Variants in RBFOX1 observed in about 807,000 individuals in gnomAD.
The protein encoded by RBFOX1 is RNA binding fox-1 homolog 1.
Under a neutral mutation model 57.7 loss-of-function variants are expected in RBFOX1, and 8 were observed. That is an observed-to-expected ratio of 0.14 (90% CI 0.08 to 0.25). The LOEUF is 0.25. Among genes scored for constraint, RBFOX1 ranks in the 10% least tolerant of loss-of-function variants. The pLI is 1.00. For synonymous variants in RBFOX1, 326 were observed against 222.4 expected, an observed-to-expected ratio of 1.47 and a Z score of -4.15; for missense variants, 611 against 548.5, an observed-to-expected ratio of 1.11 and a Z score of -1.14.
intron 1 of RBFOX1, among the ~76,000 whole-genome samples, chr16:6,123,372 A>T (rs955960781): frequency 6.6e-6 from 1 of 152,254 alleles, no homozygotes. Context: ...TGAACCTTGC[A>T]AACATTATGC....
chr16:6,326,745 G>A (rs1330396331), intron 2 of RBFOX1, among the ~76,000 whole-genome samples: 1 of 150,538 alleles, frequency 6.6e-6, no homozygotes, highest in African/African-American at 2.4e-5. Context: ...AATCATAGGA[G>A]GCAATTTCAA....
chr16:7,678,864 G>T (rs1187667972), intron 14 of RBFOX1, among the ~76,000 whole-genome samples: 1 of 152,128 alleles, frequency 6.6e-6, no homozygotes, highest in African/African-American at 2.4e-5. Flanking sequence ...GATTGCCCTT[G>T]TTCTTGGATT....
intron 3 of RBFOX1, among the ~76,000 whole-genome samples, chr16:5,831,539 G>A (rs966873451): frequency 1.3e-5 from 2 of 149,152 alleles, no homozygotes; most frequent in African/African-American, 5.0e-5. Flanking sequence ...GTCCAGGCCA[G>A]AGTGCAGTGG....
In RBFOX1 at chr16:7,100,131, A is replaced by C; in HGVS notation, c.27+48033A>C. Among the ~76,000 whole-genome samples, 2 of 140,204 alleles carry C rather than the reference A, an allele frequency of 1.4e-5. 1 individual carries two copies. Among genetic ancestry groups the C allele is most frequent in the Middle Eastern group, 7.1e-3 (2 of 282 alleles). 92.0% of individuals were successfully genotyped at this position (140,204 alleles called of 152,430 possible). A position where few individuals can be genotyped will look rare whatever the true frequency, so the allele number is the denominator to read the frequency against. Reference sequence around the variant, plus strand: ...AATAAAGCTCTCTGGTGAAGGGAACAAAAAAAAAAGCTTTAGAGAGGGATG... The same window carrying C: ...AATAAAGCTCTCTGGTGAAGGGAACCAAAAAAAAAGCTTTAGAGAGGGATG... On this transcript the variant is annotated intron_variant, in intron 4 of 15. Transcript: ENST00000550418.
Position 6,963,787 on chromosome 16 carries a change from C to T in RBFOX1, c.-15-88270C>T, listed in dbSNP as rs142560020. 7.6e-3 allele frequency among the ~76,000 whole-genome samples: 1,160 copies of T among 152,020 alleles called. 10 individuals are homozygous for T. The highest frequency in any genetic ancestry group is 0.025 in the African/African-American group (1,030 of 41,462). ...GATCTCGGCTCACTGCAAGCTCCAC[C>T]TCCCGGGTTCATGCCATTCTCCTGC... On this transcript the variant is annotated intron_variant, in intron 3 of 15. Coordinates refer to ENST00000550418, the MANE Select transcript of RBFOX1 (RefSeq NM_018723.4).
At chr16:6,886,184 C>T (rs556978799) in intron 3 of RBFOX1, among the ~76,000 whole-genome samples, 213 of 151,820 alleles carry the variant, frequency 1.4e-3, no homozygotes, top group African/African-American at 5.0e-3. Flanking sequence ...GCCTCAGCCT[C>T]CTGAGTAGCT....
chr16:6,197,104 T>C (rs1164719976), intron 1 of RBFOX1, among the ~76,000 whole-genome samples: 3 of 152,144 alleles, frequency 2.0e-5, no homozygotes, highest in Non-Finnish European at 4.4e-5. Context: ...AATAGAAAGC[T>C]TTATATTGGG....
intron 3 of RBFOX1, among the ~76,000 whole-genome samples, chr16:6,895,474 ATATATATATATATT>A (rs1384982372): frequency 0.014 from 1,494 of 104,256 alleles, 46 homozygotes; most frequent in African/African-American, 0.047. Context: ...ATATATATAT[ATATATATATATATT>A]TATTCCCCTA....
At chr16:6,825,916 A>G (rs1316762139) in intron 3 of RBFOX1, among the ~76,000 whole-genome samples, 3 of 152,150 alleles carry the variant, frequency 2.0e-5, no homozygotes, top group Non-Finnish European at 4.4e-5. Flanking sequence ...GTGTGACTTT[A>G]AATTCAAATC....
At chr16:7,161,026 G>A (rs2078218550) in intron 4 of RBFOX1, among the ~76,000 whole-genome samples, 1 of 152,202 alleles carries the variant, frequency 6.6e-6, no homozygotes, top group African/African-American at 2.4e-5. Context: ...TGGTCCATTT[G>A]TTGTCAGTGT....
chr16:6,895,335 A>G (rs2066497720), intron 3 of RBFOX1, among the ~76,000 whole-genome samples: 1 of 150,890 alleles, frequency 6.6e-6, no homozygotes, highest in South Asian at 2.1e-4. Context: ...ATGATTTACT[A>G]AATATGGAAT....
At chr16:5,344,230 A>G (rs1185220018) in intron 1 of RBFOX1, among the ~76,000 whole-genome samples, 1 of 152,124 alleles carries the variant, frequency 6.6e-6, no homozygotes, top group Non-Finnish European at 1.5e-5. Flanking sequence ...CTCTTGCCCT[A>G]GGTTTGGGTT....
chr16:6,901,679 CTGT>C (rs1297623861), intron 3 of RBFOX1, among the ~76,000 whole-genome samples: 3 of 152,184 alleles, frequency 2.0e-5, no homozygotes, highest in Non-Finnish European at 4.4e-5. Context: ...ACAGAATTTT[CTGT>C]TGTTTCTGCA....
chr16:6,344,969 C>G (rs1309272257), intron 2 of RBFOX1, among the ~76,000 whole-genome samples: 1 of 152,024 alleles, frequency 6.6e-6, no homozygotes, highest in Non-Finnish European at 1.5e-5. Context: ...CCGGCCTGGT[C>G]TTACAGAATC....
chr16:7,121,679 T>C (rs896321035), intron 4 of RBFOX1, among the ~76,000 whole-genome samples: 1 of 152,004 alleles, frequency 6.6e-6, no homozygotes, highest in African/African-American at 2.4e-5. Flanking sequence ...CAGGTATTTT[T>C]GTAGCTATAA....
chr16:6,726,391 T>C (rs1043762247), intron 3 of RBFOX1, among the ~76,000 whole-genome samples: 7 of 78,726 alleles, frequency 8.9e-5, no homozygotes, highest in African/African-American at 1.8e-4. Flanking sequence ...TAAAACGCTA[T>C]TTTTTCTTTT....
chr16:6,432,853 C>T (rs951173182), intron 2 of RBFOX1, among the ~76,000 whole-genome samples: 2 of 152,066 alleles, frequency 1.3e-5, no homozygotes, highest in African/African-American at 4.8e-5. Flanking sequence ...TGGTGCATGC[C>T]TGTAATCCCA....
intron 4 of RBFOX1, among the ~76,000 whole-genome samples, chr16:7,344,542 C>T (rs1473635878): frequency 6.6e-6 from 1 of 150,810 alleles, no homozygotes; most frequent in Non-Finnish European, 1.5e-5. Flanking sequence ...TTGTGTAATA[C>T]TGTATAATAG....
At chr16:6,616,153 AT>A (rs1168739675) in intron 2 of RBFOX1, among the ~76,000 whole-genome samples, 3 of 152,000 alleles carry the variant, frequency 2.0e-5, no homozygotes, top group Non-Finnish European at 4.4e-5. Flanking sequence ...GCAGGAGCAA[AT>A]TTTTCATCAT....
Sources: gnomAD v4.1 joint callset for allele counts (sites outside exome capture counted in the v4.1 genomes callset) on GRCh38, gnomAD v4.1.1 for gene constraint, MANE v1.5 for transcripts, NCBI Gene and HGNC (gene_info 2026-07-23, HGNC 2026-07-21) for gene names.